The following TTC28 variants were observed in gnomAD, a reference collection of about 807,000 sequenced individuals.
TTC28 encodes tetratricopeptide repeat protein 28.
A neutral mutation model predicts 198.0 loss-of-function variants in TTC28; 61 were observed. That is an observed-to-expected ratio of 0.31 (90% CI 0.25 to 0.38). The LOEUF is 0.38. TTC28 is among the 10% of genes least tolerant of loss of function. The pLI is 1.00. For missense variants in TTC28, 2,678 were observed against 3,164.0 expected, an observed-to-expected ratio of 0.85 and a Z score of 3.69; for synonymous variants, 1,171 against 1,297.8, an observed-to-expected ratio of 0.90 and a Z score of 2.10.
intron 12 of TTC28, among the ~76,000 whole-genome samples, chr22:28,089,541 C>T (rs1418260478): frequency 6.6e-6 from 1 of 151,152 alleles, no homozygotes; most frequent in Non-Finnish European, 1.5e-5. Flanking sequence ...GGAGGGATAG[C>T]ATTAGGAGAT....
chr22:28,075,744 C>A (rs2146789430), intron 12 of TTC28, among the ~76,000 whole-genome samples: 1 of 152,348 alleles, frequency 6.6e-6, no homozygotes, highest in South Asian at 2.1e-4. Flanking sequence ...AATGGCTTTT[C>A]TCCCCTCACC....
At chr22:28,031,769 T>A (rs1441559883) in intron 12 of TTC28, among the ~76,000 whole-genome samples, 1 of 152,182 alleles carries the variant, frequency 6.6e-6, no homozygotes, top group African/African-American at 2.4e-5. Context: ...GATATTTGGT[T>A]AAACATTATT....
At chr22:28,400,374 A>G (rs1469933184) in intron 2 of TTC28, among the ~76,000 whole-genome samples, 1 of 152,212 alleles carries the variant, frequency 6.6e-6, no homozygotes, top group African/African-American at 2.4e-5. Context: ...AAAGATACAA[A>G]TACATATTCA....
At chr22:28,347,271 GAAAAAAAAAAAAAAC>G (rs2045918562) in intron 2 of TTC28, among the ~76,000 whole-genome samples, 1 of 115,864 alleles carries the variant, frequency 8.6e-6, no homozygotes, top group African/African-American at 3.4e-5. Flanking sequence ...CTCAAAAGAG[GAAAAAAAAAAAAAAC>G]AAAAAAAGAA....
At chr22:28,399,372 A>G (rs1438835834) in intron 2 of TTC28, among the ~76,000 whole-genome samples, 1 of 141,460 alleles carries the variant, frequency 7.1e-6, no homozygotes, top group Non-Finnish European at 1.5e-5. Flanking sequence ...GCTGGAGTGC[A>G]GTGGCACAGT....
At position 28,063,862 on chromosome 22, in the gene TTC28, A is replaced by G. The variant is rs141031393; in HGVS notation, c.3932+30218T>C. 1.4e-4 allele frequency among the ~76,000 whole-genome samples: 22 copies of G among 152,190 alleles called. No homozygotes were observed. The East Asian group carries it at 2.5e-3, about 17-fold the overall frequency. Reference sequence around the variant, plus strand: ...ACCTAGCATGTGAGGGAATGGAGAGAAGAGTAGCACAGCTGCAGGGCGGCC... The same window carrying G: ...ACCTAGCATGTGAGGGAATGGAGAGGAGAGTAGCACAGCTGCAGGGCGGCC... On this transcript the variant is annotated intron_variant, in intron 12 of 22. Transcript: ENST00000397906.
In TTC28 at chr22:28,452,755, A is replaced by G. The variant is rs114924316; in HGVS notation, c.382-146112T>C. ...GGAATTGCCATACTCTGTTTTGGGG[A>G]ACTTCTCGATTATCTGAGTCATGGT... On this transcript the variant is annotated intron_variant, in intron 2 of 22. Coordinates refer to ENST00000397906, the MANE Select transcript of TTC28 (RefSeq NM_001145418.2). 5.0e-3 allele frequency among the ~76,000 whole-genome samples: 767 copies of G among 152,206 alleles called. 5 individuals carry two copies. The highest frequency in any genetic ancestry group is 0.018 in the African/African-American group (731 of 41,528).
At chr22:28,642,469 G>C (rs570426837) in intron 1 of TTC28, among the ~76,000 whole-genome samples, 37 of 151,260 alleles carry the variant, frequency 2.4e-4, no homozygotes, top group Middle Eastern at 6.8e-3. Context: ...CACTAGCTTC[G>C]CCTGTGAAAG....
chr22:28,386,175 T>C (rs1233074614), intron 2 of TTC28, among the ~76,000 whole-genome samples: 1 of 142,626 alleles, frequency 7.0e-6, no homozygotes, highest in Admixed American at 7.5e-5. Context: ...CTTGGGAGGC[T>C]GAGGCAGGAG....
At chr22:28,469,543 C>T (rs1392437314) in intron 2 of TTC28, among the ~76,000 whole-genome samples, 1 of 151,980 alleles carries the variant, frequency 6.6e-6, no homozygotes, top group Non-Finnish European at 1.5e-5. Flanking sequence ...TCTTAAGTGA[C>T]CTTATAAGAG....
intron 2 of TTC28, among the ~76,000 whole-genome samples, chr22:28,337,777 G>T (rs1244114705): frequency 6.6e-6 from 1 of 152,084 alleles, no homozygotes. Flanking sequence ...ACACTGATGG[G>T]TCTTGACTCT....
rs563697793 is a variant in TTC28, at chr22:28,105,508, T to C, written c.3078A>G (p.Ile1026Met). 1 of 1,551,694 alleles carries C rather than the reference T, an allele frequency of 6.4e-7. No individual in the cohort carries two copies. Among genetic ancestry groups the C allele is most frequent in the South Asian group, 1.2e-5 (1 of 84,058 alleles). Residue 1026 changes from isoleucine (I) to methionine (M), a missense_variant, in exon 8 of 23, where the codon ATA (isoleucine) becomes ATG (methionine). Ile to Met is a conservative substitution (Grantham distance 10). Around this residue, in one of 8 missense-constraint regions of TTC28, gnomAD observed 727 missense variants for 861.9 expected, o/e 0.84. Transcript: ENST00000397906. ...ACGTGGGGTTGTTGGTTTCCTCTGC[T>C]ATCTGTAGATCAAGCTGGTGGTACT... is the stretch of plus-strand genomic sequence containing the variant. ...ALQYHQLDLQ[I>M]AEETNNPTCQ...
chr22:28,302,681 G>T (rs948732078), intron 3 of TTC28, among the ~76,000 whole-genome samples: 19 of 151,944 alleles, frequency 1.3e-4, no homozygotes, highest in Admixed American at 5.2e-4. Flanking sequence ...TTTGTTTTTT[G>T]TTTTTTTAAG....
chr22:28,244,962 T>C (rs1172227774), intron 5 of TTC28, among the ~76,000 whole-genome samples: 3 of 152,204 alleles, frequency 2.0e-5, no homozygotes, highest in Non-Finnish European at 4.4e-5. Flanking sequence ...GCCTTCATGT[T>C]GCTTGTGTCA....
chr22:28,275,726 G>A (rs1382872980), intron 5 of TTC28, among the ~76,000 whole-genome samples: 1 of 151,728 alleles, frequency 6.6e-6, no homozygotes, highest in Admixed American at 6.6e-5. Flanking sequence ...AGGGAGGAAA[G>A]GGGAGAAAGT....
At chr22:28,282,122 T>C (rs2044595180) in intron 5 of TTC28, among the ~76,000 whole-genome samples, 1 of 152,218 alleles carries the variant, frequency 6.6e-6, no homozygotes, top group Admixed American at 6.5e-5. Flanking sequence ...CAAGTGTTAA[T>C]TCTCTTCCAG....
intron 5 of TTC28, among the ~76,000 whole-genome samples, chr22:28,286,534 T>C (rs985353318): frequency 2.6e-5 from 4 of 152,196 alleles, no homozygotes; most frequent in African/African-American, 7.2e-5. Flanking sequence ...GCTACCACAA[T>C]GAGAAGTATA....
chr22:28,568,079 C>T (rs2050008190), intron 2 of TTC28, among the ~76,000 whole-genome samples: 1 of 152,132 alleles, frequency 6.6e-6, no homozygotes, highest in African/African-American at 2.4e-5. Context: ...GAAAAGTTAT[C>T]ATGGTATACC....
chr22:28,299,626 C>T lies in TTC28; in HGVS notation c.530-1774G>A, dbSNP rs116397681. Among the ~76,000 whole-genome samples, 881 of 152,190 alleles carry T rather than the reference C, an allele frequency of 5.8e-3. 8 individuals carry two copies. Among genetic ancestry groups the T allele is most frequent in the African/African-American group, 0.021 (854 of 41,498 alleles). Reference sequence around the variant, plus strand: ...TGAGCAGAATTTTGGTGGTGCCGTCCGCTGATGAGTTTGGTAGTCAATGTT... The same window carrying T: ...TGAGCAGAATTTTGGTGGTGCCGTCTGCTGATGAGTTTGGTAGTCAATGTT... On this transcript the variant is annotated intron_variant, in intron 3 of 22. Transcript: ENST00000397906.
Sources: gnomAD v4.1 joint callset for allele counts (sites outside exome capture counted in the v4.1 genomes callset) on GRCh38, gnomAD v4.1.1 for gene constraint, gnomAD v4.1.1 regional missense constraint, MANE v1.5 for transcripts, NCBI Gene and HGNC (gene_info 2026-07-23, HGNC 2026-07-21) for gene names.